SMIM31: variants seen among roughly 807,000 people sequenced by gnomAD.
The protein encoded by SMIM31 is small integral membrane protein 31, also known as human epithelial cell program regulator.
At chr4:164,781,403 C>T (rs1732947107) in intron 2 of SMIM31, among the ~76,000 whole-genome samples, 2 of 152,088 alleles carry the variant, frequency 1.3e-5, no homozygotes, top group Admixed American at 1.3e-4. Flanking sequence ...TGTCCTTTAG[C>T]AGGTAAATGA....
At chr4:164,787,860 G>T (rs1049657687) in intron 2 of SMIM31, among the ~76,000 whole-genome samples, 1 of 152,110 alleles carries the variant, frequency 6.6e-6, no homozygotes, top group South Asian at 2.1e-4. Context: ...ATCGCTTTCT[G>T]ATTTAGACAC....
rs377634218 is a variant in SMIM31 at position 164,798,320 on chromosome 4, G to A, written c.113-2771G>A. Among the ~76,000 whole-genome samples, 861 of 151,102 alleles carry A rather than the reference G, an allele frequency of 5.7e-3. 12 individuals are homozygous for A. The highest frequency in any genetic ancestry group is 0.026 in the South Asian group (125 of 4,790). On this transcript the variant is annotated intron_variant, in intron 2 of 2. Transcript: ENST00000507311. ...TCGATCTCAGGTCACTGCAAGCTCC[G>A]CCTCCTGGGTTCACGCCATTCTCCT...
chr4:164,758,820 T>G (rs1435440737), intron 1 of SMIM31, among the ~76,000 whole-genome samples: 5 of 106,786 alleles, frequency 4.7e-5, no homozygotes, highest in African/African-American at 2.2e-4. Flanking sequence ...TTTTTTTTTT[T>G]TTTTTTTTTT....
At chr4:164,799,386 A>G (rs1013029762) in intron 2 of SMIM31, among the ~76,000 whole-genome samples, 4 of 152,078 alleles carry the variant, frequency 2.6e-5, no homozygotes, top group Non-Finnish European at 5.9e-5. Flanking sequence ...CCCTGTCTCA[A>G]AAAAATAATA....
chr4:164,783,139 AC>A (rs1342666624), intron 2 of SMIM31, among the ~76,000 whole-genome samples: 2 of 145,100 alleles, frequency 1.4e-5, no homozygotes, highest in East Asian at 4.1e-4. Flanking sequence ...AATTGCTTGA[AC>A]CCGGGAGGTG....
At chr4:164,778,690 T>C (rs901234832) in intron 2 of SMIM31, among the ~76,000 whole-genome samples, 6 of 152,124 alleles carry the variant, frequency 3.9e-5, no homozygotes, top group African/African-American at 1.4e-4. Flanking sequence ...CCAGAAGCAA[T>C]GTGCCCAAGG....
intron 2 of SMIM31, among the ~76,000 whole-genome samples, chr4:164,797,359 T>C (rs1177395970): frequency 2.0e-5 from 3 of 151,976 alleles, no homozygotes; most frequent in Non-Finnish European, 4.4e-5. Context: ...TAGTCAAGGT[T>C]TACAGAAACA....
chr4:164,803,655 C>T lies in SMIM31; in HGVS notation c.*2461C>T, dbSNP rs150936247. The T allele has an allele frequency of 0.011, 1,603 of 151,446 alleles. 28 individuals are homozygous for T. The highest frequency in any genetic ancestry group is 0.012 in the Non-Finnish European group (795 of 67,936). The allele number at this position is 151,446 out of a possible 1,614,324, so 9.4% of individuals were successfully genotyped here. On this transcript the variant is annotated 3_prime_UTR_variant, in exon 3 of 3. Transcript: ENST00000507311. Reference sequence around the variant, plus strand: ...ACTAAAAATACAAAAATTAGCCAGGCGTGGTGGTCCATGCCTGTAATCCTA... The same window carrying T: ...ACTAAAAATACAAAAATTAGCCAGGTGTGGTGGTCCATGCCTGTAATCCTA...
intron 2 of SMIM31, among the ~76,000 whole-genome samples, chr4:164,787,567 A>G (rs1195302333): frequency 6.7e-6 from 1 of 149,988 alleles, no homozygotes; most frequent in African/African-American, 2.5e-5. Flanking sequence ...AGCTAAAACT[A>G]GTGGATACAG....
rs910562244 is a variant in SMIM31, at chr4:164,768,640, A to G, written c.-25-1779A>G. ...TTTGCATGAGCACAGGGTACTACAT[A>G]TGTATAATGAAACATCTTTAGAGAG... On this transcript the variant is annotated intron_variant, in intron 1 of 2. Coordinates refer to ENST00000507311, the MANE Select transcript of SMIM31 (RefSeq NM_001352885.1). 2.6e-5 allele frequency among the ~76,000 whole-genome samples: 4 copies of G among 152,186 alleles called. 1 individual carries two copies. In the East Asian group the frequency reaches 7.7e-4, roughly 29 times the overall value.
At chr4:164,767,392 C>T (rs1194091014) in intron 1 of SMIM31, among the ~76,000 whole-genome samples, 6 of 152,218 alleles carry the variant, frequency 3.9e-5, no homozygotes, top group East Asian at 3.9e-4. Flanking sequence ...AAAGGAGTTA[C>T]GTTAATTTTT....
chr4:164,767,229 G>A (rs1156517016), intron 1 of SMIM31, among the ~76,000 whole-genome samples: 3 of 152,148 alleles, frequency 2.0e-5, no homozygotes, highest in Non-Finnish European at 4.4e-5. Context: ...CAGAATGGTA[G>A]GGTCGGGATA....
intron 2 of SMIM31, among the ~76,000 whole-genome samples, chr4:164,788,968 A>ATTTT (rs1273492592): frequency 3.3e-5 from 5 of 152,170 alleles, no homozygotes; most frequent in African/African-American, 1.2e-4. Context: ...TTTTAACTGG[A>ATTTT]AAATTGAGTT....
intron 2 of SMIM31, among the ~76,000 whole-genome samples, chr4:164,790,196 C>T (rs2110957033): frequency 6.6e-6 from 1 of 152,264 alleles, no homozygotes; most frequent in South Asian, 2.1e-4. Context: ...AAAAACTATA[C>T]ATGAAATGCT....
chr4:164,782,290 A>G (rs893667888), intron 2 of SMIM31, among the ~76,000 whole-genome samples: 7 of 151,618 alleles, frequency 4.6e-5, no homozygotes, highest in Admixed American at 3.3e-4. Context: ...ACTCCGTCTC[A>G]CAAAAAAAAA....
chr4:164,783,947 C>G (rs770678946), intron 2 of SMIM31, among the ~76,000 whole-genome samples: 6 of 152,178 alleles, frequency 3.9e-5, no homozygotes, highest in African/African-American at 7.2e-5. Flanking sequence ...CATGACATAA[C>G]ATTTTAAAAA....
chr4:164,780,201 G>A lies in SMIM31; in HGVS notation c.112+9646G>A, dbSNP rs190297878. On this transcript the variant is annotated intron_variant, in intron 2 of 2. Coordinates refer to ENST00000507311, the MANE Select transcript of SMIM31 (RefSeq NM_001352885.1). ...CCAGCACTTTGGGAGGCCAAGGCGGGTGGATCACAAGGTCAGGAGATCAAG... is the reference window on the plus strand; with the variant it reads ...CCAGCACTTTGGGAGGCCAAGGCGGATGGATCACAAGGTCAGGAGATCAAG... Among the ~76,000 whole-genome samples the A allele has an allele frequency of 7.7e-3, 1,179 of 152,336 alleles. 13 individuals are homozygous for A. The highest frequency in any genetic ancestry group is 0.024 in the African/African-American group (1,010 of 41,568).
At chr4:164,758,540 T>C (rs1355886627) in intron 1 of SMIM31, among the ~76,000 whole-genome samples, 1 of 151,888 alleles carries the variant, frequency 6.6e-6, no homozygotes, top group Non-Finnish European at 1.5e-5. Flanking sequence ...CCCACCTTTC[T>C]GGGCATTTTT....
intron 1 of SMIM31, among the ~76,000 whole-genome samples, chr4:164,767,827 C>T (rs896614579): frequency 4.6e-5 from 7 of 152,126 alleles, no homozygotes; most frequent in African/African-American, 2.4e-5. Flanking sequence ...CTGACAATAT[C>T]TATTATCCCA....
Sources: gnomAD v4.1 joint callset for allele counts (sites outside exome capture counted in the v4.1 genomes callset) on GRCh38, gnomAD v4.1.1 for gene constraint, MANE v1.5 for transcripts, NCBI Gene and HGNC (gene_info 2026-07-23, HGNC 2026-07-21) for gene names.